The following DNAH8 variants were observed in gnomAD, a reference collection of about 807,000 sequenced individuals.
DNAH8 encodes the protein axonemal beta dynein heavy chain 8.
Under a neutral mutation model 562.1 loss-of-function variants are expected in DNAH8, and 382 were observed. The ratio of observed to expected loss-of-function variants is 0.68; its 90% confidence interval spans 0.63 to 0.74. DNAH8 has a LOEUF of 0.74. DNAH8 is among the 30% of genes least tolerant of loss of function. The pLI is 0.00. For synonymous variants in DNAH8, 1,881 were observed against 1,919.4 expected, an observed-to-expected ratio of 0.98 and a Z score of 0.52; for missense variants, 5,203 against 5,620.4, an observed-to-expected ratio of 0.93 and a Z score of 2.37.
intron 73 of DNAH8, chr6:38,924,807 G>T (rs1293822123): frequency 6.6e-6 from 1 of 152,136 alleles, no homozygotes; most frequent in Non-Finnish European, 1.5e-5. Context: ...ATCTGTGCTG[G>T]TATTAACCTT....
intron 12 of DNAH8, among the ~76,000 whole-genome samples, chr6:38,774,688 G>T (rs1326212422): frequency 6.6e-6 from 1 of 152,208 alleles, no homozygotes; most frequent in East Asian, 1.9e-4. Flanking sequence ...ATGAGGTAAG[G>T]GGTAAAGGAA....
chr6:38,932,183 A>AACACACACACACACACACACACACACAC (rs70981599), intron 76 of DNAH8, among the ~76,000 whole-genome samples, 190 bp downstream of exon 76: 1 of 139,788 alleles, frequency 7.2e-6, no homozygotes, highest in Non-Finnish European at 1.5e-5. Context: ...TCCAGCCTGA[A>AACACACACACACACACACACACACACAC]ACACACACAC....
At chr6:38,967,173 G>A (rs1229806463) in intron 82 of DNAH8, among the ~76,000 whole-genome samples, 12 of 152,130 alleles carry the variant, frequency 7.9e-5, no homozygotes, top group African/African-American at 2.9e-4. Flanking sequence ...CACGGTTAAT[G>A]TCACACTTAA....
intron 82 of DNAH8, among the ~76,000 whole-genome samples, chr6:38,961,669 T>C (rs1435101854): frequency 6.6e-6 from 1 of 151,962 alleles, no homozygotes; most frequent in Non-Finnish European, 1.5e-5. Flanking sequence ...TATTTGACTT[T>C]TGAAAAGTAG....
chr6:38,961,272 CA>C (rs1762588697), intron 82 of DNAH8, among the ~76,000 whole-genome samples: 1 of 151,640 alleles, frequency 6.6e-6, no homozygotes, highest in Non-Finnish European at 1.5e-5. Context: ...ATATATAGTC[CA>C]AAATATCTAG....
At position 38,907,938 on chromosome 6, in the gene DNAH8, C is replaced by A. The variant is rs1780607593; in HGVS notation, c.9349-18C>A. 6.4e-7 allele frequency: 1 copy of A among 1,569,190 alleles called. No homozygotes were observed. The highest frequency in any genetic ancestry group is 1.4e-5 in the African/African-American group (1 of 72,900). On this transcript the variant is annotated intron_variant, in intron 63 of 92. Coordinates refer to ENST00000327475, the MANE Select transcript of DNAH8 (RefSeq NM_001206927.2). ...GAACTCTTAAAACACAGAACACTTC[C>A]TTGTCCATTCCTTAAAGATCTCCAA...
chr6:38,736,603 G>A (rs1298882927), intron 5 of DNAH8, among the ~76,000 whole-genome samples: 1 of 152,006 alleles, frequency 6.6e-6, no homozygotes, highest in East Asian at 1.9e-4. Flanking sequence ...CACTTAAGAT[G>A]TATCAATTGA....
chr6:38,872,118 C>T (rs1353621819), intron 49 of DNAH8, among the ~76,000 whole-genome samples: 2 of 152,186 alleles, frequency 1.3e-5, no homozygotes, highest in African/African-American at 4.8e-5. Context: ...AATTAGAAGG[C>T]CCCTTTGAAA....
At chr6:38,848,370 A>G (rs1268701110) in intron 36 of DNAH8, among the ~76,000 whole-genome samples, 1 of 152,176 alleles carries the variant, frequency 6.6e-6, no homozygotes, top group Non-Finnish European at 1.5e-5. Flanking sequence ...AGCAACCAGC[A>G]CAGTTCCTTT....
chr6:38,998,058 A>G (rs1489576492), intron 88 of DNAH8, among the ~76,000 whole-genome samples: 1 of 152,210 alleles, frequency 6.6e-6, no homozygotes, highest in Non-Finnish European at 1.5e-5. Context: ...GTGCCCAGCC[A>G]TCACTTGATG....
At chr6:38,898,710 T>C (rs1779874465) in intron 61 of DNAH8, among the ~76,000 whole-genome samples, 1 of 152,140 alleles carries the variant, frequency 6.6e-6, no homozygotes, top group Non-Finnish European at 1.5e-5. Context: ...TCAAATTATA[T>C]TTTGATATTA....
At chr6:38,999,934 A>AACACAC (rs61608266) in intron 88 of DNAH8, among the ~76,000 whole-genome samples, 39,222 of 146,610 alleles carry the variant, frequency 0.27, 5,427 homozygotes, top group Admixed American at 0.35. Context: ...CACACACACA[A>AACACAC]ACACACACAC....
chr6:38,823,023 G>T lies in DNAH8; in HGVS notation c.3709G>T (p.Val1237Leu), dbSNP rs745525934. The change falls in exon 27 of 93, where the codon GTG becomes TTG. Residue 1237 changes from valine to leucine, a missense_variant. By Grantham distance (32) the Val-to-Leu change is conservative (BLOSUM62 1). Coordinates refer to ENST00000327475, the MANE Select transcript of DNAH8 (RefSeq NM_001206927.2). ...GACTCTCTGGACAGAGGACCGCGAT[G>T]TGAAAGTGAAGGTGTCTTTCTGCTA... ...YKTLWTEDRDVKVKEFLANNP... is the reference protein window; with the variant it reads ...YKTLWTEDRDLKVKEFLANNP... 1 of 1,574,690 alleles carries T rather than the reference G, an allele frequency of 6.4e-7. No homozygotes were observed. The highest frequency in any genetic ancestry group is 1.2e-5 in the South Asian group (1 of 84,008).
At chr6:38,881,549 G>GTTTTT (rs3047883) in intron 53 of DNAH8, among the ~76,000 whole-genome samples, 1 of 134,016 alleles carries the variant, frequency 7.5e-6, no homozygotes, top group African/African-American at 2.8e-5. Flanking sequence ...TGAAATCAAT[G>GTTTTT]TTTTTTTTTT....
At chr6:38,810,640 C>CTA (rs1199801159) in intron 24 of DNAH8, among the ~76,000 whole-genome samples, 16 of 151,880 alleles carry the variant, frequency 1.1e-4, no homozygotes, top group Admixed American at 6.6e-4. Context: ...TTGCAGTTTT[C>CTA]TAGTCTTATT....
chr6:38,798,038 C>CGCG, intron 21 of DNAH8, among the ~76,000 whole-genome samples: 1 of 151,570 alleles, frequency 6.6e-6, no homozygotes, highest in East Asian at 1.9e-4. Context: ...AGACCGTGTC[C>CGCG]ACTCCAGCCT....
At chr6:38,961,375 A>G (rs909473636) in intron 82 of DNAH8, among the ~76,000 whole-genome samples, 1 of 152,064 alleles carries the variant, frequency 6.6e-6, no homozygotes, top group Non-Finnish European at 1.5e-5. Context: ...TACACAATGT[A>G]TACATGTATT....
At position 38,823,518 on chromosome 6, in the gene DNAH8, T is replaced by G. The variant is rs766569821; in HGVS notation, c.3721-44T>G. The G allele has an allele frequency of 3.4e-6, 5 of 1,468,592 alleles. No individual in the cohort carries two copies. The East Asian group carries it at 9.1e-5, about 27-fold the overall frequency. The allele number at this position is 1,468,592 out of a possible 1,614,324, so 91.0% of individuals were successfully genotyped here. A position where few individuals can be genotyped will look rare whatever the true frequency, so the allele number is the denominator to read the frequency against. On this transcript the variant is annotated intron_variant, in intron 27 of 92. Coordinates refer to ENST00000327475, the MANE Select transcript of DNAH8 (RefSeq NM_001206927.2). ...TTTCTAATGTAACTATGGTAAGATT[T>G]ATACTGTTAAAAAATTAAAATATTG...
At chr6:38,920,007 A>T (rs2150552054) in intron 70 of DNAH8, among the ~76,000 whole-genome samples, 1 of 152,346 alleles carries the variant, frequency 6.6e-6, no homozygotes, top group East Asian at 1.9e-4. Flanking sequence ...GCAAAAACAA[A>T]ACTGTAAGAA....
Sources: allele counts gnomAD v4.1 joint callset (sites outside exome capture counted in the v4.1 genomes callset), GRCh38; gene constraint gnomAD v4.1.1; transcripts MANE v1.5; gene names NCBI Gene and HGNC (gene_info 2026-07-23, HGNC 2026-07-21).